Variants in CTPS1 observed in about 807,000 individuals in gnomAD.
CTPS1 encodes CTP synthase 1, also known as CTP synthetase 1.
Under a neutral mutation model 80.5 loss-of-function variants are expected in CTPS1, and 25 were observed. That is an observed-to-expected ratio of 0.31 (90% CI 0.23 to 0.43). The LOEUF is 0.43. CTPS1 is among the 20% of genes least tolerant of loss of function. CTPS1 has a pLI of 1.00. For synonymous variants in CTPS1, 267 were observed against 252.5 expected, an observed-to-expected ratio of 1.06 and a Z score of -0.54; for missense variants, 442 against 725.7, an observed-to-expected ratio of 0.61 and a Z score of 4.49.
chr1:41,010,231 A>C lies in CTPS1; in HGVS notation c.1762A>C (p.Ile588Leu), dbSNP rs747353209. The change falls in exon 18 of 19, where the codon ATA (isoleucine) becomes CTA (leucine). Residue 588 changes from isoleucine (I) to leucine (L), a missense_variant. Physicochemically the swap from Ile to Leu is conservative, Grantham distance 5. Around this residue, in one of 4 missense-constraint regions of CTPS1, gnomAD observed 321 missense variants for 467.2 expected, o/e 0.69. Coordinates refer to ENST00000650070, the MANE Select transcript of CTPS1 (RefSeq NM_001905.4). ...SEITELKFPS[I>L]NHD ...AATCACCGAACTGAAGTTTCCATCAATAAATCATGACTGATCTTGTAGCGT... is the reference window on the plus strand; with the variant it reads ...AATCACCGAACTGAAGTTTCCATCACTAAATCATGACTGATCTTGTAGCGT... The C allele has an allele frequency of 6.2e-7, 1 of 1,613,002 alleles. No individual in the cohort carries two copies. Among genetic ancestry groups the C allele is most frequent in the Admixed American group, 1.7e-5 (1 of 59,992 alleles).
chr1:40,981,608 G>A (rs979258445), intron 1 of CTPS1, among the ~76,000 whole-genome samples: 1 of 152,144 alleles, frequency 6.6e-6, no homozygotes, highest in Non-Finnish European at 1.5e-5. Flanking sequence ...TGGAGACACC[G>A]CATACTGTAT....
At chr1:40,989,864 T>G (rs1007298516) in intron 5 of CTPS1, among the ~76,000 whole-genome samples, 1 of 151,950 alleles carries the variant, frequency 6.6e-6, no homozygotes, top group African/African-American at 2.4e-5. Context: ...ATGAAAAAGT[T>G]AAGAGAAAGT....
chr1:41,009,699 A>C (rs1643122533), intron 17 of CTPS1, 110 bp downstream of exon 17: 5 of 1,357,150 alleles, frequency 3.7e-6, no homozygotes, highest in Non-Finnish European at 5.1e-6. Context: ...AAAAAGCCAC[A>C]GGCGCCTGGG....
At chr1:41,008,582 C>A in intron 14 of CTPS1, 77 bp from the exon 15 acceptor site, 1 of 1,473,220 alleles carries the variant, frequency 6.8e-7, no homozygotes, top group Non-Finnish European at 9.5e-7. Flanking sequence ...AAAAGTAAAG[C>A]AGGAAGGAGG....
chr1:41,008,764 C>T lies in CTPS1; in HGVS notation c.1450-30C>T, dbSNP rs779478581. 20 of 1,613,468 alleles carry T rather than the reference C, an allele frequency of 1.2e-5. No individual in the cohort carries two copies. The East Asian group carries it at 4.2e-4, about 34-fold the overall frequency. ...TCTGGAAAGATAGTGAGCTGAGAGA[C>T]CAGCAGAATTATTTTTCATGCCTCA... is the stretch of plus-strand genomic sequence containing the variant. On this transcript the variant is annotated intron_variant, in intron 15 of 18. Transcript: ENST00000650070.
chr1:41,010,498 T>TG (rs1643145187), intron 18 of CTPS1, among the ~76,000 whole-genome samples: 1 of 152,118 alleles, frequency 6.6e-6, no homozygotes, highest in African/African-American at 2.4e-5. Flanking sequence ...GATGACAGCT[T>TG]GGGGAGCATG....
chr1:40,997,359 G>A (rs1387783661), intron 8 of CTPS1, 35 bp from the exon 9 acceptor site: 1 of 1,604,326 alleles, frequency 6.2e-7, no homozygotes, highest in Non-Finnish European at 8.5e-7. Flanking sequence ...TGTACCTTCT[G>A]AGTAATTGGG....
rs1643065942 is a variant in CTPS1 at position 41,007,572 on chromosome 1, C to T, written c.1393+27C>T. 1 of 1,599,442 alleles carries T rather than the reference C, an allele frequency of 6.3e-7. No individual in the cohort carries two copies. The highest frequency in any genetic ancestry group is 8.6e-7 in the Non-Finnish European group (1 of 1,167,490). The stretch of plus-strand genomic sequence containing the variant: ...TAAGAGCTGCCTCACGCTGGCCCAG[C>T]CTTTGGCTCTGCGTGCCCAGGACGC... On this transcript the variant is annotated intron_variant, in intron 14 of 18. Coordinates refer to ENST00000650070, the MANE Select transcript of CTPS1 (RefSeq NM_001905.4). The surrounding 1 kb of genome is among the most constrained non-coding windows in gnomAD (Gnocchi z 4.4).
chr1:41,003,246 G>C, intron 12 of CTPS1, 70 bp downstream of exon 12: 1 of 1,547,500 alleles, frequency 6.5e-7, no homozygotes, highest in South Asian at 1.1e-5. Flanking sequence ...GCCTGTTGCC[G>C]CCTGGGTGAT....
At chr1:40,997,212 C>A (rs1315610258) in intron 8 of CTPS1, 182 bp from the exon 9 acceptor site, 1 of 620,880 alleles carries the variant, frequency 1.6e-6, no homozygotes, top group Non-Finnish European at 2.7e-6. Context: ...CTCACTGTAA[C>A]CTCCAACTCC....
intron 7 of CTPS1, among the ~76,000 whole-genome samples, chr1:40,994,719 A>T (rs1642708924): frequency 6.6e-6 from 1 of 152,216 alleles, no homozygotes; most frequent in Non-Finnish European, 1.5e-5. Flanking sequence ...TACATCATTG[A>T]ATAGAAGTAC....
At chr1:41,008,499 G>A (rs1270186986) in intron 14 of CTPS1, among the ~76,000 whole-genome samples, 160 bp from the exon 15 acceptor site, 1 of 152,222 alleles carries the variant, frequency 6.6e-6, no homozygotes, top group African/African-American at 2.4e-5. Context: ...AGTCTAAACT[G>A]TGTTGTTAAG....
chr1:41,009,928 C>G (rs1453202907), intron 17 of CTPS1, among the ~76,000 whole-genome samples: 1 of 152,226 alleles, frequency 6.6e-6, no homozygotes, highest in Admixed American at 6.5e-5. Context: ...AGAACCAGTA[C>G]TCAGAGTTGG....
intron 12 of CTPS1, among the ~76,000 whole-genome samples, chr1:41,004,592 C>T (rs995853861): frequency 5.0e-5 from 7 of 141,178 alleles, no homozygotes; most frequent in Non-Finnish European, 1.1e-4. Context: ...GAGAACAGTG[C>T]CCAGCGTTCA....
At position 41,007,374 on chromosome 1, in the gene CTPS1, C is replaced by T; in HGVS notation, c.1297-75C>T. ...GAGCTTACTTACAAGCCTTTGCCAC[C>T]CACTCAGCGAGGGAGGTTTCTCTCT... is the stretch of plus-strand genomic sequence containing the variant. On this transcript the variant is annotated intron_variant, in intron 13 of 18. Coordinates refer to ENST00000650070, the MANE Select transcript of CTPS1 (RefSeq NM_001905.4). This position sits in a 1 kb window ranked among gnomAD's most constrained non-coding sequence, Gnocchi z 4.4. The T allele has an allele frequency of 8.0e-7, 1 of 1,250,204 alleles. No homozygotes were observed. The highest frequency in any genetic ancestry group is 1.2e-6 in the Non-Finnish European group (1 of 857,820). 77.4% of individuals were successfully genotyped at this position (1,250,204 alleles called of 1,614,324 possible).
intron 5 of CTPS1, among the ~76,000 whole-genome samples, chr1:40,989,042 A>G (rs1642531808): frequency 6.6e-6 from 1 of 152,212 alleles, no homozygotes; most frequent in Non-Finnish European, 1.5e-5. Context: ...GGGAAGCCGG[A>G]AAGCAGATGG....
Position 41,003,163 on chromosome 1 carries a change from G to A in CTPS1, c.1239G>A (p.Val413=). The A allele has an allele frequency of 6.2e-7, 1 of 1,614,196 alleles. No individual in the cohort carries two copies. Among genetic ancestry groups the A allele is most frequent in the Non-Finnish European group, 8.5e-7 (1 of 1,180,032 alleles). The change falls in exon 12 of 19, where the codon GTG becomes GTA. Residue 413 remains valine (V), a synonymous_variant. Transcript: ENST00000650070. ...CAGTGGTTGAATTCTCAAGAAACGT[G>A]CTGGGATGGCAAGGTAAGCGTGCAT... is the stretch of plus-strand genomic sequence containing the variant. ...QLAVVEFSRN[V]LGWQDANSTE...
chr1:41,001,314 C>T (rs905697499), intron 10 of CTPS1, among the ~76,000 whole-genome samples, 197 bp downstream of exon 10: 10 of 152,288 alleles, frequency 6.6e-5, no homozygotes, highest in African/African-American at 2.4e-4. Context: ...AAAAGCTGCT[C>T]TGATTTTGAT....
intron 7 of CTPS1, among the ~76,000 whole-genome samples, chr1:40,995,011 G>A (rs2148402878): frequency 6.6e-6 from 1 of 152,196 alleles, no homozygotes; most frequent in South Asian, 2.1e-4. Flanking sequence ...ATCACTTGGG[G>A]AGCTTTAAAA....
Sources: allele counts gnomAD v4.1 joint callset (sites outside exome capture counted in the v4.1 genomes callset), GRCh38; gene constraint gnomAD v4.1.1; regional missense constraint gnomAD v4.1.1; non-coding constraint Gnocchi (gnomAD v3.1); transcripts MANE v1.5; gene names NCBI Gene and HGNC (gene_info 2026-07-23, HGNC 2026-07-21).